The following TMEM39A variants were observed in gnomAD, a reference collection of about 807,000 sequenced individuals.
The protein encoded by TMEM39A is suppressor of SQST-1 aggregates in rpl-43 mutants.
A neutral mutation model predicts 51.9 loss-of-function variants in TMEM39A; 19 were observed. The observed-to-expected ratio is 0.37, with a 90% CI of 0.26 to 0.54. The LOEUF (loss-of-function observed/expected upper bound fraction) is 0.54. Ranked by LOEUF, TMEM39A falls within the 20% of genes least tolerant of loss-of-function variation. TMEM39A has a pLI of 0.88. For synonymous variants in TMEM39A, 197 were observed against 220.2 expected (o/e 0.89, Z 0.93); for missense variants, 433 against 590.5 (o/e 0.73, Z 2.76).
chr3:119,458,115 A>G lies in TMEM39A; in HGVS notation c.239T>C (p.Phe80Ser). 6.2e-7 allele frequency: 1 copy of G among 1,613,844 alleles called. No homozygotes were observed. The highest frequency in any genetic ancestry group is 1.7e-5 in the Admixed American group (1 of 60,018). ...GAAAAGAGCAACCAACAGGTAGATGAAAAAAAGGAATTCAAAGAGTAGGCT... is the reference window on the plus strand; with the variant it reads ...GAAAAGAGCAACCAACAGGTAGATGGAAAAAAGGAATTCAAAGAGTAGGCT... ...DGSLLFEFLFFIYLLVALFIQ... is the reference protein window; with the variant it reads ...DGSLLFEFLFSIYLLVALFIQ... Residue 80 changes from phenylalanine to serine, a missense_variant, in exon 3 of 9, where the codon TTC (phenylalanine) becomes TCC (serine). Physicochemically the swap from Phe to Ser is radical, Grantham distance 155 (BLOSUM62 -2). This residue lies in a region of TMEM39A where 170 missense variants were observed against 239.8 expected (regional missense o/e 0.71). Transcript: ENST00000319172.
At chr3:119,457,989 G>T (rs200457432) in intron 3 of TMEM39A, 29 bp downstream of exon 3, 1 of 1,540,864 alleles carries the variant, frequency 6.5e-7, no homozygotes, top group Middle Eastern at 1.7e-4. Context: ...TAAGTAACAT[G>T]AAGAACTTAA....
chr3:119,455,879 A>G (rs946773750), intron 3 of TMEM39A, among the ~76,000 whole-genome samples: 7 of 152,242 alleles, frequency 4.6e-5, no homozygotes, highest in Admixed American at 4.6e-4. Context: ...GAATAAATAT[A>G]GGACTAAAAC....
chr3:119,446,887 G>T, intron 5 of TMEM39A, 131 bp downstream of exon 5: 1 of 1,055,624 alleles, frequency 9.5e-7, no homozygotes, highest in Non-Finnish European at 1.3e-6. Context: ...CCATGCTCAT[G>T]GATTTCCCAG....
In TMEM39A at chr3:119,429,248, T is replaced by A. The variant is rs1207819224; in HGVS notation, c.*2733A>T. On this transcript the variant is annotated 3_prime_UTR_variant, in exon 9 of 9. Coordinates refer to ENST00000319172, the MANE Select transcript of TMEM39A (RefSeq NM_018266.3). ...GAAACGGCACAACAGGTGGCAGTGG[T>A]GGTGACTGATAGGGACAGGAAGGAA... is the stretch of plus-strand genomic sequence containing the variant. 6.6e-6 allele frequency among the ~76,000 whole-genome samples: 1 copy of A among 151,392 alleles called. No homozygotes were observed. The highest frequency in any genetic ancestry group is 1.5e-5 in the Non-Finnish European group (1 of 67,714).
chr3:119,456,973 C>CTTT (rs35937230), intron 3 of TMEM39A, among the ~76,000 whole-genome samples: 10 of 140,632 alleles, frequency 7.1e-5, no homozygotes, highest in African/African-American at 2.1e-4. Context: ...TCATGGTACT[C>CTTT]TTTTTTTTTT....
chr3:119,443,087 A>AAC lies in TMEM39A; in HGVS notation c.575+3930_575+3931insGT, dbSNP rs199691444. ...TCAAAAAAAAAAAAAAAAAAAAAAA[A>AAC]GTGAAGCCTGAAGATGTGGCTGCAC... is the stretch of plus-strand genomic sequence containing the variant. On this transcript the variant is annotated intron_variant, in intron 5 of 8. Transcript: ENST00000319172. Among the ~76,000 whole-genome samples the AAC allele has an allele frequency of 1.3e-4, 18 of 133,534 alleles. 1 individual carries two copies. Among genetic ancestry groups the AAC allele is most frequent in the Admixed American group, 1.5e-4 (2 of 13,066 alleles). 87.6% of individuals were successfully genotyped at this position (133,534 alleles called of 152,430 possible).
At chr3:119,449,128 C>T (rs933231482) in intron 4 of TMEM39A, among the ~76,000 whole-genome samples, 7 of 151,908 alleles carry the variant, frequency 4.6e-5, no homozygotes, top group African/African-American at 1.2e-4. Context: ...AGCAAGATTT[C>T]GCTAGGTGAG....
In TMEM39A at chr3:119,434,886, A is replaced by T; in HGVS notation, c.1113-4T>A. Reference sequence around the variant, plus strand: ...CCATATTGTATTTTCTGACCAACTAAGGGAGAAAGAAATGCAATGTTAGCA... The same window carrying T: ...CCATATTGTATTTTCTGACCAACTATGGGAGAAAGAAATGCAATGTTAGCA... On this transcript the variant is annotated splice_polypyrimidine_tract_variant and splice_region_variant and intron_variant, in intron 7 of 8. Coordinates refer to ENST00000319172, the MANE Select transcript of TMEM39A (RefSeq NM_018266.3). The T allele has an allele frequency of 6.2e-7, 1 of 1,612,658 alleles. No homozygotes were observed. The highest frequency in any genetic ancestry group is 8.5e-7 in the Non-Finnish European group (1 of 1,178,984).
rs779535491 is a variant in TMEM39A, at chr3:119,462,294, TA to T, written c.-74-147del. 4.1e-4 allele frequency: 202 copies of T among 493,574 alleles called. 1 individual carries two copies. Among genetic ancestry groups the T allele is most frequent in the Middle Eastern group, 1.1e-3 (2 of 1,820 alleles). 30.6% of individuals were successfully genotyped at this position (493,574 alleles called of 1,614,324 possible). Reference sequence around the variant, plus strand: ...TGTCTACTACTTACGTTATTCGAATTAAAGGACTACTCAGACTCTAATGGGT... The same window carrying T: ...TGTCTACTACTTACGTTATTCGAATTAAGGACTACTCAGACTCTAATGGGT... On this transcript the variant is annotated intron_variant, in intron 1 of 8. Transcript: ENST00000319172.
Position 119,431,993 on chromosome 3 carries a change from G to A in TMEM39A, c.1455C>T (p.Leu485=). Residue 485 remains leucine, a synonymous_variant, in exon 9 of 9, where the codon CTC becomes CTT. Transcript: ENST00000319172. ...AYSYPLNSYE[L]KAN is the part of the protein sequence containing the mutation. ...GTTGAGAGGCAGCTTAGTTTGCCTT[G>A]AGTTCATAACTGTTGAGTGGGTAGG... The A allele has an allele frequency of 6.3e-7, 1 of 1,589,812 alleles. No individual in the cohort carries two copies. Among genetic ancestry groups the A allele is most frequent in the Non-Finnish European group, 8.6e-7 (1 of 1,165,362 alleles).
chr3:119,458,285 G>A (rs774570305), intron 2 of TMEM39A, 45 bp from the exon 3 acceptor site: 1 of 1,545,312 alleles, frequency 6.5e-7, no homozygotes, highest in Admixed American at 1.7e-5. Flanking sequence ...ATAACCTCCA[G>A]TATCACAGAA....
intron 4 of TMEM39A, among the ~76,000 whole-genome samples, chr3:119,448,469 T>A (rs1007503656): frequency 6.6e-6 from 1 of 152,194 alleles, no homozygotes; most frequent in South Asian, 2.1e-4. Context: ...CAGATCATAT[T>A]ATGGAGTACC....
In TMEM39A at chr3:119,429,781, A is replaced by C. The variant is rs971728243; in HGVS notation, c.*2200T>G. The stretch of plus-strand genomic sequence containing the variant: ...CTTTGCAATTCCATTAGCCAAAATT[A>C]ATTTTTATTTATTTCTTATATCCAC... On this transcript the variant is annotated 3_prime_UTR_variant, in exon 9 of 9. Transcript: ENST00000319172. The C allele has an allele frequency of 6.6e-6, 1 of 152,144 alleles. No homozygotes were observed. Among genetic ancestry groups the C allele is most frequent in the Admixed American group, 6.6e-5 (1 of 15,266 alleles). The allele number at this position is 152,144 out of a possible 1,614,324, so 9.4% of individuals were successfully genotyped here.
intron 2 of TMEM39A, 91 bp from the exon 3 acceptor site, chr3:119,458,331 T>C: frequency 1.9e-6 from 2 of 1,051,710 alleles, no homozygotes; most frequent in Non-Finnish European, 2.8e-6. Flanking sequence ...CATCTACCCC[T>C]TCACTGTCTG....
intron 3 of TMEM39A, among the ~76,000 whole-genome samples, chr3:119,456,629 T>C (rs1019676394): frequency 6.6e-6 from 1 of 152,200 alleles, no homozygotes; most frequent in African/African-American, 2.4e-5. Flanking sequence ...GCCAACAACC[T>C]ATCTGTCAAG....
At position 119,429,349 on chromosome 3, in the gene TMEM39A, TG is replaced by T. The variant is rs2080871230; in HGVS notation, c.*2631del. Among the ~76,000 whole-genome samples, 1 of 152,054 alleles carries T rather than the reference TG, an allele frequency of 6.6e-6. No individual in the cohort carries two copies. The highest frequency in any genetic ancestry group is 6.6e-5 in the Admixed American group (1 of 15,252). On this transcript the variant is annotated 3_prime_UTR_variant, in exon 9 of 9. Transcript: ENST00000319172. ...AAAACTTCTGTCATGCTCATTCCTG[TG>T]AACTACCCTCCTCTACTCCTTTATT... is the stretch of plus-strand genomic sequence containing the variant.
chr3:119,462,108 T>C lies in TMEM39A; in HGVS notation c.-34A>G, dbSNP rs1186816360. The C allele has an allele frequency of 4.5e-6, 7 of 1,551,394 alleles. No homozygotes were observed. In the African/African-American group the frequency reaches 8.2e-5, roughly 18 times the overall value. On this transcript the variant is annotated 5_prime_UTR_variant, in exon 2 of 9. Coordinates refer to ENST00000319172, the MANE Select transcript of TMEM39A (RefSeq NM_018266.3). ...ACCAGTCTGCTTCCAGTGCCACCTG[T>C]AGTTGCAACCCAGGTTAATGGTTGT...
At chr3:119,433,247 GC>G (rs1203175877) in intron 8 of TMEM39A, among the ~76,000 whole-genome samples, 1 of 152,158 alleles carries the variant, frequency 6.6e-6, no homozygotes, top group Non-Finnish European at 1.5e-5. Flanking sequence ...GAGTTTGACA[GC>G]TATAGGTAAT....
chr3:119,457,343 A>G (rs2081279930), intron 3 of TMEM39A, among the ~76,000 whole-genome samples: 1 of 152,228 alleles, frequency 6.6e-6, no homozygotes, highest in African/African-American at 2.4e-5. Flanking sequence ...TTCAGCAAAG[A>G]CAGCCAATTT....
Sources: allele counts gnomAD v4.1 joint callset (sites outside exome capture counted in the v4.1 genomes callset), GRCh38; gene constraint gnomAD v4.1.1; regional missense constraint gnomAD v4.1.1; transcripts MANE v1.5; gene names NCBI Gene and HGNC (gene_info 2026-07-23, HGNC 2026-07-21).